The following MPHOSPH9 variants were observed in gnomAD, a reference collection of about 807,000 sequenced individuals.
The protein encoded by MPHOSPH9 is M-phase phosphoprotein 9.
A neutral mutation model predicts 145.5 loss-of-function variants in MPHOSPH9; 88 were observed. The observed-to-expected ratio is 0.60, with a 90% CI of 0.51 to 0.72. The LOEUF (loss-of-function observed/expected upper bound fraction) is 0.72. Among genes scored for constraint, MPHOSPH9 ranks in the 30% least tolerant of loss-of-function variants. The probability of loss-of-function intolerance (pLI) is 0.00; values close to 1 mark genes in which losing one functional copy is unlikely to be tolerated. For missense variants in MPHOSPH9, 1,238 were observed against 1,386.6 expected, an observed-to-expected ratio of 0.89 and a Z score of 1.70; for synonymous variants, 435 against 486.2, an observed-to-expected ratio of 0.89 and a Z score of 1.39.
chr12:123,238,877 A>C (rs2047889861), intron 1 of MPHOSPH9, among the ~76,000 whole-genome samples: 1 of 152,198 alleles, frequency 6.6e-6, no homozygotes, highest in Non-Finnish European at 1.5e-5. Context: ...CCCATAAAGT[A>C]GCCACCAGCA....
intron 16 of MPHOSPH9, among the ~76,000 whole-genome samples, 200 bp downstream of exon 16, chr12:123,176,488 T>A (rs1198284480): frequency 6.6e-6 from 1 of 152,180 alleles, no homozygotes; most frequent in Non-Finnish European, 1.5e-5. Flanking sequence ...GGATCCCAAT[T>A]TGATCCTAAG....
chr12:123,181,315 T>C, intron 13 of MPHOSPH9, 105 bp from the exon 14 acceptor site: 1 of 896,628 alleles, frequency 1.1e-6, no homozygotes, highest in Non-Finnish European at 1.8e-6. Context: ...AAAATGCCAA[T>C]GTCATGAAAG....
In MPHOSPH9 at chr12:123,202,324, T is replaced by C. The variant is rs768899623; in HGVS notation, c.1782-5A>G. On this transcript the variant is annotated splice_region_variant and splice_polypyrimidine_tract_variant and intron_variant, in intron 10 of 23. Coordinates refer to ENST00000606320, the MANE Select transcript of MPHOSPH9 (RefSeq NM_022782.4). Reference sequence around the variant, plus strand: ...TCCTTCAGATTCTGCCTAATCCTTATTCAGTGAGAATAAAAAATATATATT... The same window carrying C: ...TCCTTCAGATTCTGCCTAATCCTTACTCAGTGAGAATAAAAAATATATATT... 3.8e-6 allele frequency: 6 copies of C among 1,582,710 alleles called. No individual in the cohort carries two copies. The South Asian group carries it at 4.7e-5, about 12-fold the overall frequency.
At chr12:123,235,889 C>A (rs1486567893), upstream of MPHOSPH9, among the ~76,000 whole-genome samples, 1 of 151,426 alleles carries the variant, frequency 6.6e-6, no homozygotes, top group Non-Finnish European at 1.5e-5. Context: ...CATGGTGAAA[C>A]CCCATCTGGG....
Position 123,154,291 on chromosome 12 carries a change from C to T in MPHOSPH9, c.*2516G>A, listed in dbSNP as rs933866357. 4.6e-5 allele frequency: 7 copies of T among 151,668 alleles called. No homozygotes were observed. Among genetic ancestry groups the T allele is most frequent in the East Asian group, 1.9e-4 (1 of 5,194 alleles). 9.4% of individuals were successfully genotyped at this position (151,668 alleles called of 1,614,324 possible). The stretch of plus-strand genomic sequence containing the variant: ...AGCCAACAACAAAAATAGTTTATAC[C>T]CGGGGATAATAGCTGCTATTTAGAA... On this transcript the variant is annotated 3_prime_UTR_variant, in exon 24 of 24. Coordinates refer to ENST00000606320, the MANE Select transcript of MPHOSPH9 (RefSeq NM_022782.4).
upstream of MPHOSPH9, among the ~76,000 whole-genome samples, chr12:123,236,488 G>A (rs568122541): frequency 5.3e-5 from 8 of 152,154 alleles, no homozygotes; most frequent in Admixed American, 2.0e-4. Context: ...AGCTACTGGG[G>A]AGGCTGAGGC....
intron 3 of MPHOSPH9, among the ~76,000 whole-genome samples, chr12:123,227,077 A>G (rs2047466295): frequency 1.3e-5 from 2 of 152,250 alleles, no homozygotes; most frequent in Admixed American, 1.3e-4. Flanking sequence ...GCTTCAATTT[A>G]TAATTAGAAC....
chr12:123,217,155 T>C (rs981165526), intron 6 of MPHOSPH9, among the ~76,000 whole-genome samples: 25 of 152,118 alleles, frequency 1.6e-4, no homozygotes, highest in Non-Finnish European at 2.9e-4. Flanking sequence ...AATTTCAACA[T>C]TTAATCTCTC....
At chr12:123,201,361 C>T (rs2046213522) in intron 11 of MPHOSPH9, among the ~76,000 whole-genome samples, 1 of 152,066 alleles carries the variant, frequency 6.6e-6, no homozygotes, top group Admixed American at 6.6e-5. Flanking sequence ...AGACCTGCAT[C>T]GATTTTCAAT....
rs527999282 is a variant in MPHOSPH9, at chr12:123,243,660, G to A, written c.-159+193C>T. On this transcript the variant is annotated intron_variant, in intron 1 of 2. Transcript: ENST00000545406. The stretch of plus-strand genomic sequence containing the variant: ...GCGGAGGTTGCAGGGAGCCGAGATC[G>A]CGCCACTGTACTCCACCCTGGCGAC... Among the ~76,000 whole-genome samples, 6 of 152,122 alleles carry A rather than the reference G, an allele frequency of 3.9e-5. No homozygotes were observed. The South Asian group carries it at 6.2e-4, about 16-fold the overall frequency.
intron 11 of MPHOSPH9, among the ~76,000 whole-genome samples, chr12:123,199,523 G>A (rs2046122035): frequency 6.6e-6 from 1 of 152,150 alleles, no homozygotes; most frequent in Non-Finnish European, 1.5e-5. Context: ...GCTCACGCCT[G>A]TAATCCCAGC....
intron 3 of MPHOSPH9, chr12:123,226,226 A>T: frequency 1.6e-6 from 1 of 619,936 alleles, no homozygotes; most frequent in Non-Finnish European, 2.1e-6. Context: ...TCAATTTTTT[A>T]AGCATATAAT....
At chr12:123,218,220 G>A (rs12372699) in intron 6 of MPHOSPH9, among the ~76,000 whole-genome samples, 156 bp downstream of exon 6, 1 of 151,694 alleles carries the variant, frequency 6.6e-6, no homozygotes, top group Non-Finnish European at 1.5e-5. Context: ...CCATAAGAGC[G>A]AAACTCCGTC....
intron 4 of MPHOSPH9, among the ~76,000 whole-genome samples, chr12:123,222,692 G>A (rs1438295320): frequency 6.6e-6 from 1 of 151,870 alleles, no homozygotes; most frequent in Non-Finnish European, 1.5e-5. Context: ...AAAAGGGCTG[G>A]GCAGGAGGCC....
chr12:123,223,533 C>T (rs763930452), intron 3 of MPHOSPH9, among the ~76,000 whole-genome samples: 24 of 152,304 alleles, frequency 1.6e-4, no homozygotes, highest in Non-Finnish European at 2.9e-4. Flanking sequence ...ACCTGCCTCA[C>T]GGGCATCCTC....
rs558306486 is a variant in MPHOSPH9, at chr12:123,206,000, T to C, written c.1195-2625A>G. Among the ~76,000 whole-genome samples the C allele has an allele frequency of 2.0e-5, 3 of 152,134 alleles. No individual in the cohort carries two copies. In the South Asian group the frequency reaches 6.2e-4, roughly 32 times the overall value. The stretch of plus-strand genomic sequence containing the variant: ...GACACGTTTAGCAACATACTCCACA[T>C]GGGAGTCCAAAGCGGGCTAGTCCTA... On this transcript the variant is annotated intron_variant, in intron 8 of 23. Transcript: ENST00000606320.
At chr12:123,228,175 G>T (rs959215406) in intron 2 of MPHOSPH9, among the ~76,000 whole-genome samples, 1 of 152,076 alleles carries the variant, frequency 6.6e-6, no homozygotes, top group African/African-American at 2.4e-5. Flanking sequence ...GTTTTTCCAG[G>T]AGTACTGCTT....
intron 13 of MPHOSPH9, among the ~76,000 whole-genome samples, chr12:123,190,992 A>G (rs571170014): frequency 4.0e-4 from 61 of 152,250 alleles, no homozygotes; most frequent in Non-Finnish European, 4.7e-4. Context: ...TTGCTGCTCA[A>G]ACATAACTGT....
chr12:123,238,971 T>C (rs2047891012), intron 1 of MPHOSPH9, among the ~76,000 whole-genome samples: 1 of 152,044 alleles, frequency 6.6e-6, no homozygotes, highest in Non-Finnish European at 1.5e-5. Context: ...AAAAAGAATA[T>C]CTCAATTTTA....
Sources: allele counts gnomAD v4.1 joint callset (sites outside exome capture counted in the v4.1 genomes callset), GRCh38; gene constraint gnomAD v4.1.1; transcripts MANE v1.5; gene names NCBI Gene and HGNC (gene_info 2026-07-23, HGNC 2026-07-21).